Variants in TMEM131L observed in about 807,000 individuals in gnomAD.
TMEM131L encodes the protein transmembrane protein 131-like.
TMEM131L carries 54 observed loss-of-function variants against 192.2 expected under a neutral mutation model. The ratio of observed to expected loss-of-function variants is 0.28; its 90% CI spans 0.23 to 0.35. TMEM131L has a LOEUF of 0.35. TMEM131L is among the 10% of genes least tolerant of loss of function. TMEM131L has a pLI of 1.00. For synonymous variants in TMEM131L, 701 were observed against 704.9 expected, an observed-to-expected ratio of 0.99 and a Z score of 0.09; for missense variants, 1,888 against 1,972.9, an observed-to-expected ratio of 0.96 and a Z score of 0.82.
chr4:153,556,930 C>A, intron 5 of TMEM131L, 36 bp from the exon 6 acceptor site: 1 of 934,248 alleles, frequency 1.1e-6, no homozygotes, highest in Admixed American at 2.0e-5. Flanking sequence ...TCAAAGGAGG[C>A]CATTCCAAGT....
At position 153,587,779 on chromosome 4, in the gene TMEM131L, G is replaced by A. The variant is rs757390092; in HGVS notation, c.1520G>A (p.Gly507Asp). 5.6e-6 allele frequency: 9 copies of A among 1,613,340 alleles called. No homozygotes were observed. The highest frequency in any genetic ancestry group is 3.3e-5 in the Admixed American group (2 of 59,978). ...SLGFEVIAHCGMHYFMGKSKA... is the reference protein window; with the variant it reads ...SLGFEVIAHCDMHYFMGKSKA... ...GGTTTTGAAGTGATAGCACATTGTG[G>A]CATGCATTATTTCATGGGAAAATCA... Residue 507 changes from glycine to aspartate, a missense_variant, in exon 15 of 35, where the codon GGC (glycine) becomes GAC (aspartate). By Grantham distance (94) the Gly-to-Asp change is moderately conservative. Coordinates refer to ENST00000409959, the MANE Select transcript of TMEM131L (RefSeq NM_001131007.2).
Position 153,466,368 on chromosome 4 carries a change from C to A in TMEM131L, c.-30C>A. On this transcript the variant is annotated 5_prime_UTR_variant, in exon 1 of 35. Coordinates refer to ENST00000409959, the MANE Select transcript of TMEM131L (RefSeq NM_001131007.2). The stretch of plus-strand genomic sequence containing the variant: ...GCCAGCGAGCTAGCGGCGAGCGCGG[C>A]GAGCAACGGAGAGGAGCGCGAGCAG... The A allele has an allele frequency of 8.1e-7, 1 of 1,242,180 alleles. No homozygotes were observed. Among genetic ancestry groups the A allele is most frequent in the South Asian group, 2.8e-5 (1 of 35,756 alleles). 76.9% of individuals were successfully genotyped at this position (1,242,180 alleles called of 1,614,324 possible).
intron 7 of TMEM131L, among the ~76,000 whole-genome samples, chr4:153,575,236 A>G (rs537312111): frequency 2.0e-5 from 3 of 152,332 alleles, no homozygotes; most frequent in Non-Finnish European, 4.4e-5. Flanking sequence ...CTTGTGGCCC[A>G]GGGCACCAGC....
chr4:153,468,210 C>T (rs1385791776), intron 2 of TMEM131L, among the ~76,000 whole-genome samples: 1 of 152,136 alleles, frequency 6.6e-6, no homozygotes, highest in African/African-American at 2.4e-5. Context: ...AGTTTTCTCC[C>T]TCCTATGTGA....
rs779273352 is a variant in TMEM131L, at chr4:153,632,685, T to C, written c.4208-33T>C. On this transcript the variant is annotated intron_variant, in intron 31 of 34. Coordinates refer to ENST00000409959, the MANE Select transcript of TMEM131L (RefSeq NM_001131007.2). ...GGGTAGGATGAGGGCCAGGTGAGGA[T>C]AGGGTGGACTCAGGCCTTGTTCTCT... 34 of 1,613,402 alleles carry C rather than the reference T, an allele frequency of 2.1e-5. No homozygotes were observed. In the South Asian group the frequency reaches 2.9e-4, roughly 14 times the overall value.
chr4:153,504,852 A>G (rs891984022), intron 3 of TMEM131L, among the ~76,000 whole-genome samples: 22 of 152,208 alleles, frequency 1.4e-4, no homozygotes, highest in African/African-American at 4.1e-4. Context: ...TGCCATTGTC[A>G]AGGATGGATG....
At chr4:153,511,282 C>T (rs949750783) in intron 3 of TMEM131L, among the ~76,000 whole-genome samples, 35 of 152,278 alleles carry the variant, frequency 2.3e-4, no homozygotes, top group East Asian at 7.7e-4. Flanking sequence ...ACATATACAC[C>T]GTGGAATACT....
chr4:153,507,217 C>G (rs1029341849), intron 3 of TMEM131L, among the ~76,000 whole-genome samples: 1 of 152,112 alleles, frequency 6.6e-6, no homozygotes. Flanking sequence ...AATGGCCAGG[C>G]TTGTTTTTAT....
chr4:153,587,755 G>C lies in TMEM131L; in HGVS notation c.1496G>C (p.Gly499Ala), dbSNP rs760105950. 7 of 1,611,852 alleles carry C rather than the reference G, an allele frequency of 4.3e-6. No individual in the cohort carries two copies. The Admixed American group carries it at 1.2e-4, about 27-fold the overall frequency. Residue 499 changes from glycine to alanine, a missense_variant, in exon 15 of 35, where the codon GGT becomes GCT. Gly to Ala is a moderately conservative substitution (Grantham distance 60, BLOSUM62 0). Coordinates refer to ENST00000409959, the MANE Select transcript of TMEM131L (RefSeq NM_001131007.2). ...TTTTCAATCTAGGAAGGGAGTCTGGGTTTTGAAGTGATAGCACATTGTGGC... is the reference window on the plus strand; with the variant it reads ...TTTTCAATCTAGGAAGGGAGTCTGGCTTTTGAAGTGATAGCACATTGTGGC... ...YSAPTKEGSLGFEVIAHCGMH... is the reference protein window; with the variant it reads ...YSAPTKEGSLAFEVIAHCGMH...
intron 23 of TMEM131L, among the ~76,000 whole-genome samples, chr4:153,603,071 G>C (rs563081106): frequency 3.3e-4 from 50 of 152,258 alleles, no homozygotes; most frequent in Non-Finnish European, 6.5e-4. Flanking sequence ...CTTTTTGAGT[G>C]ATTTCATAAA....
intron 3 of TMEM131L, among the ~76,000 whole-genome samples, chr4:153,491,576 G>A (rs777093780): frequency 2.6e-5 from 4 of 152,008 alleles, no homozygotes; most frequent in Middle Eastern, 3.2e-3. Context: ...CAAATTAGTC[G>A]TTTTATTCCA....
chr4:153,581,044 G>T, intron 8 of TMEM131L, 141 bp downstream of exon 8: 1 of 603,496 alleles, frequency 1.7e-6, no homozygotes, highest in South Asian at 2.0e-5. Context: ...ACGAGGTCAG[G>T]AGATTGAGAC....
At chr4:153,612,640 G>A (rs1421324705) in intron 26 of TMEM131L, among the ~76,000 whole-genome samples, 1 of 152,110 alleles carries the variant, frequency 6.6e-6, no homozygotes, top group Non-Finnish European at 1.5e-5. Flanking sequence ...AAGCAAATGG[G>A]TCATTCCTAG....
chr4:153,570,400 T>A (rs1301294099), intron 7 of TMEM131L, among the ~76,000 whole-genome samples: 1 of 152,166 alleles, frequency 6.6e-6, no homozygotes, highest in Non-Finnish European at 1.5e-5. Context: ...ACCTTTGCAC[T>A]TAACGCTTGG....
chr4:153,636,170 A>G lies in TMEM131L; in HGVS notation c.4558-131A>G. 5 of 920,310 alleles carry G rather than the reference A, an allele frequency of 5.4e-6. No individual in the cohort carries two copies. In the South Asian group the frequency reaches 8.7e-5, roughly 16 times the overall value. 57.0% of individuals were successfully genotyped at this position (920,310 alleles called of 1,614,324 possible). ...AAAAAATGGAGTTAAAGCAACCCAGATTTAAATTGAGAGTAGTCTAATAAC... is the reference window on the plus strand; with the variant it reads ...AAAAAATGGAGTTAAAGCAACCCAGGTTTAAATTGAGAGTAGTCTAATAAC... On this transcript the variant is annotated intron_variant, in intron 34 of 34. Coordinates refer to ENST00000409959, the MANE Select transcript of TMEM131L (RefSeq NM_001131007.2).
chr4:153,539,185 A>C (rs1736575978), intron 3 of TMEM131L, among the ~76,000 whole-genome samples: 1 of 152,142 alleles, frequency 6.6e-6, no homozygotes, highest in African/African-American at 2.4e-5. Context: ...GGGGAGGCGG[A>C]AAAAAACCCA....
At chr4:153,522,585 T>C (rs1735197351) in intron 3 of TMEM131L, among the ~76,000 whole-genome samples, 1 of 152,164 alleles carries the variant, frequency 6.6e-6, no homozygotes, top group African/African-American at 2.4e-5. Context: ...AGCTCTCTCT[T>C]CTCGTTTGGC....
chr4:153,556,679 C>CA (rs981955014), intron 5 of TMEM131L, among the ~76,000 whole-genome samples: 21 of 152,206 alleles, frequency 1.4e-4, no homozygotes, highest in Admixed American at 7.9e-4. Context: ...TAGCTAAAGA[C>CA]AGTTGGACCT....
rs1734493194 is a variant in TMEM131L at position 153,635,313 on chromosome 4, G to GTATA, written c.4418-116_4418-115insATAT. On this transcript the variant is annotated intron_variant, in intron 33 of 34. Transcript: ENST00000409959. ...GACTCTCCTGGTCCACACGGACCAA[G>GTATA]TATTTATGTCTGTAACTTGTCAGTA... 4 of 903,316 alleles carry GTATA rather than the reference G, an allele frequency of 4.4e-6. No homozygotes were observed. The East Asian group carries it at 9.9e-5, about 22-fold the overall frequency. The allele number at this position is 903,316 out of a possible 1,614,324, so 56.0% of individuals were successfully genotyped here.
Sources: allele counts gnomAD v4.1 joint callset (sites outside exome capture counted in the v4.1 genomes callset), GRCh38; gene constraint gnomAD v4.1.1; transcripts MANE v1.5; gene names NCBI Gene and HGNC (gene_info 2026-07-23, HGNC 2026-07-21).